The following ATPAF1 variants were observed in gnomAD, a reference collection of about 807,000 sequenced individuals.
The protein encoded by ATPAF1 is homolog of yeast ATP11.
ATPAF1 carries 26 observed loss-of-function variants against 43.9 expected under a neutral mutation model. That is an observed-to-expected ratio of 0.59 (90% CI 0.43 to 0.82). The LOEUF (loss-of-function observed/expected upper bound fraction) is 0.82. ATPAF1 is among the 40% of genes least tolerant of loss of function. ATPAF1 has a pLI of 0.00. For synonymous variants in ATPAF1, 157 were observed against 168.0 expected, an observed-to-expected ratio of 0.93 and a Z score of 0.50; for missense variants, 366 against 435.0, an observed-to-expected ratio of 0.84 and a Z score of 1.41.
At chr1:46,650,989 T>G (rs1040351040) in intron 6 of ATPAF1, among the ~76,000 whole-genome samples, 4 of 152,024 alleles carry the variant, frequency 2.6e-5, no homozygotes, top group African/African-American at 9.7e-5. Context: ...GTATATTTTC[T>G]TTTTATTTAT....
At chr1:46,659,115 C>T (rs1334659623) in intron 2 of ATPAF1, among the ~76,000 whole-genome samples, 4 of 151,966 alleles carry the variant, frequency 2.6e-5, no homozygotes, top group African/African-American at 7.3e-5. Flanking sequence ...CGCTTGAACC[C>T]AGGAGGCGGA....
At chr1:46,665,513 G>T in intron 1 of ATPAF1, 149 bp from the exon 2 acceptor site, 1 of 1,180,396 alleles carries the variant, frequency 8.5e-7, no homozygotes, top group Non-Finnish European at 1.2e-6. Flanking sequence ...CTGGGCACAG[G>T]CCTAGAAATA....
In ATPAF1 at chr1:46,635,666, C is replaced by T. The variant is rs189535603; in HGVS notation, c.*110G>A. 8.3e-6 allele frequency: 9 copies of T among 1,085,402 alleles called. No individual in the cohort carries two copies. The East Asian group carries it at 1.4e-4, about 17-fold the overall frequency. The allele number at this position is 1,085,402 out of a possible 1,614,324, so 67.2% of individuals were successfully genotyped here. A position where few individuals can be genotyped will look rare whatever the true frequency, so the allele number is the denominator to read the frequency against. On this transcript the variant is annotated 3_prime_UTR_variant, in exon 9 of 9. Transcript: ENST00000574428. The stretch of plus-strand genomic sequence containing the variant: ...CTTGCGACAAGCACATAGGGCAACT[C>T]ATTACCAACTGCTCATTATAAATGC...
At chr1:46,645,056 G>C in intron 7 of ATPAF1, 105 bp downstream of exon 7, 4 of 840,812 alleles carry the variant, frequency 4.8e-6, no homozygotes, top group Non-Finnish European at 7.5e-6. Context: ...AATAATAAAT[G>C]CTGGGAGTAA....
chr1:46,638,681 G>A (rs1410362728), intron 8 of ATPAF1, among the ~76,000 whole-genome samples: 1 of 151,522 alleles, frequency 6.6e-6, no homozygotes, highest in East Asian at 1.9e-4. Flanking sequence ...AGGAAGGTAA[G>A]ACACAGAGAG....
downstream of ATPAF1, chr1:46,634,019 A>G: frequency 2.8e-6 from 1 of 360,708 alleles, no homozygotes; most frequent in South Asian, 2.2e-5. Flanking sequence ...ATTAGTTAAC[A>G]GCTCAACCTT....
At chr1:46,649,740 G>A (rs1427623272) in intron 6 of ATPAF1, among the ~76,000 whole-genome samples, 3 of 151,750 alleles carry the variant, frequency 2.0e-5, no homozygotes, top group African/African-American at 4.8e-5. Flanking sequence ...CCTGGGCAAC[G>A]TAAGTGAGAT....
intron 1 of ATPAF1, chr1:46,665,750 C>T: frequency 1.3e-6 from 2 of 1,517,338 alleles, no homozygotes; most frequent in Admixed American, 2.1e-5. Context: ...TGAATACATC[C>T]AGTTCTTGAA....
chr1:46,665,325 G>A, exon 2 of ATPAF1: 1 of 1,614,272 alleles, frequency 6.2e-7, no homozygotes, highest in Non-Finnish European at 8.5e-7. Context: ...GAAATTCACT[G>A]CGTTTCTCCA....
chr1:46,668,204 G>T lies in ATPAF1; in HGVS notation c.119C>A (p.Ser40Ter). 7.2e-7 allele frequency: 1 copy of T among 1,389,006 alleles called. No individual in the cohort carries two copies. The highest frequency in any genetic ancestry group is 1.6e-5 in the South Asian group (1 of 62,814). The allele number at this position is 1,389,006 out of a possible 1,614,324, so 86.0% of individuals were successfully genotyped here. The change falls in exon 1 of 9, where the codon TCA becomes TAA. Residue 40 changes from serine to a stop codon, truncating the protein, a stop_gained. Coordinates refer to ENST00000574428, the Ensembl canonical transcript of ATPAF1. LOFTEE classifies it high-confidence loss of function. The surrounding 1 kb of genome is among the most constrained non-coding windows in gnomAD (Gnocchi z 4.4). ...TGGGAAGACGCGCAGCTGCGCGGGT[G>T]ACACGAGCCCCAGGCCCAGGGCGCG...
At chr1:46,637,632 G>T (rs1205459253) in intron 8 of ATPAF1, among the ~76,000 whole-genome samples, 1 of 152,134 alleles carries the variant, frequency 6.6e-6, no homozygotes, top group African/African-American at 2.4e-5. Context: ...ATGAAGACGG[G>T]TTTATAAATA....
At chr1:46,643,397 TAAC>T in intron 7 of ATPAF1, 96 bp from the exon 8 acceptor site, 2 of 952,428 alleles carry the variant, frequency 2.1e-6, no homozygotes, top group Non-Finnish European at 3.2e-6. Flanking sequence ...TTCTGGCTCT[TAAC>T]AGCCCCTTGG....
intron 4 of ATPAF1, among the ~76,000 whole-genome samples, chr1:46,655,992 C>A (rs1477815581): frequency 3.9e-5 from 6 of 152,160 alleles, no homozygotes; most frequent in African/African-American, 1.4e-4. Flanking sequence ...TGTGTTGTCA[C>A]CAATGCCTTG....
intron 7 of ATPAF1, among the ~76,000 whole-genome samples, chr1:46,643,570 T>C (rs886238758): frequency 2.0e-5 from 3 of 152,270 alleles, no homozygotes; most frequent in Admixed American, 1.3e-4. Flanking sequence ...TCCATCATTG[T>C]GACCATACAT....
downstream of ATPAF1, chr1:46,633,426 AC>A (rs397819991): frequency 9.3e-6 from 2 of 215,404 alleles, no homozygotes; most frequent in African/African-American, 4.8e-5. Context: ...TGGAAAAAAA[AC>A]CCCAAAATTA....
At chr1:46,665,717 T>G in intron 1 of ATPAF1, 1 of 1,528,658 alleles carries the variant, frequency 6.5e-7, no homozygotes, top group South Asian at 1.2e-5. Flanking sequence ...TATAGCCTCC[T>G]TACTAGGTGT....
chr1:46,653,782 T>G lies in ATPAF1; in HGVS notation c.540+35A>C, dbSNP rs918880949. 1 of 1,596,878 alleles carries G rather than the reference T, an allele frequency of 6.3e-7. No individual in the cohort carries two copies. Among genetic ancestry groups the G allele is most frequent in the Non-Finnish European group, 8.5e-7 (1 of 1,169,720 alleles). ...AAGGTTAGAGAACTGACTTTCATGT[T>G]GTAACACTTTCACTTTGCCCTCCAA... On this transcript the variant is annotated intron_variant, in intron 5 of 8. Coordinates refer to ENST00000574428, the Ensembl canonical transcript of ATPAF1. The surrounding 1 kb of genome is among the most constrained non-coding windows in gnomAD (Gnocchi z 4.8).
intron 8 of ATPAF1, among the ~76,000 whole-genome samples, chr1:46,639,736 A>G (rs989155032): frequency 6.6e-6 from 1 of 152,218 alleles, no homozygotes; most frequent in African/African-American, 2.4e-5. Flanking sequence ...GTCATGTACA[A>G]CAAGTTCTAA....
At chr1:46,633,789 G>T (rs773810431), downstream of ATPAF1, 1 of 456,272 alleles carries the variant, frequency 2.2e-6, no homozygotes, top group South Asian at 1.5e-5. Flanking sequence ...GCTGGTGGAG[G>T]TGTATCAATG....
Sources: allele counts gnomAD v4.1 joint callset (sites outside exome capture counted in the v4.1 genomes callset), GRCh38; gene constraint gnomAD v4.1.1; non-coding constraint Gnocchi (gnomAD v3.1); transcripts MANE v1.5; gene names NCBI Gene and HGNC (gene_info 2026-07-23, HGNC 2026-07-21).